TLN2: variants seen among roughly 807,000 people sequenced by gnomAD.
TLN2 encodes talin-2.
In TLN2, 118 loss-of-function variants were observed where a neutral mutation model predicts 294.7. The observed-to-expected ratio is 0.40, with a 90% CI of 0.34 to 0.47. The LOEUF (loss-of-function observed/expected upper bound fraction) is 0.47. Ranked by LOEUF, TLN2 falls within the 20% of genes least tolerant of loss-of-function variation. TLN2 has a pLI of 0.84. For synonymous variants in TLN2, 1,431 were observed against 1,304.5 expected (o/e 1.10, Z -2.09); for missense variants, 3,083 against 3,282.2 (o/e 0.94, Z 1.48).
chr15:62,772,080 A>G (rs993608916), intron 42 of TLN2, among the ~76,000 whole-genome samples: 46 of 151,860 alleles, frequency 3.0e-4, no homozygotes, highest in Non-Finnish European at 2.2e-4. Context: ...AGCACATGCC[A>G]CCATATCTGG....
At chr15:62,677,806 C>CTTTTTTTTTTTTTTTT (rs3055781) in intron 11 of TLN2, among the ~76,000 whole-genome samples, 7,765 of 75,078 alleles carry the variant, frequency 0.1, 2,384 homozygotes, top group Non-Finnish European at 0.11. Flanking sequence ...GCACTTGCAA[C>CTTTTTTTTTTTTTTTT]TTTTTTTTTT....
At chr15:62,499,964 G>A (rs1253324223) in intron 1 of TLN2, among the ~76,000 whole-genome samples, 1 of 151,824 alleles carries the variant, frequency 6.6e-6, no homozygotes, top group Non-Finnish European at 1.5e-5. Flanking sequence ...AAAAAAAACA[G>A]TCAAAATTAC....
At chr15:62,551,283 G>A (rs2042285430) in intron 1 of TLN2, among the ~76,000 whole-genome samples, 1 of 152,096 alleles carries the variant, frequency 6.6e-6, no homozygotes, top group Non-Finnish European at 1.5e-5. Flanking sequence ...GGCACAGACT[G>A]GTACCAGTCC....
rs2053116013 is a variant in TLN2 at position 62,655,581 on chromosome 15, T to TATA, written c.518-363_518-362insATA. On this transcript the variant is annotated intron_variant, in intron 7 of 58. Coordinates refer to ENST00000636159, the MANE Select transcript of TLN2 (RefSeq NM_015059.3). ...GAGAGGCAGCATATTATACATTCATTGTAGCACATGTCACCGTGGGTTGGC... is the reference window on the plus strand; with the variant it reads ...GAGAGGCAGCATATTATACATTCATTATAGTAGCACATGTCACCGTGGGTTGGC... 1.7e-4 allele frequency among the ~76,000 whole-genome samples: 2 copies of TATA among 11,724 alleles called. 1 individual carries two copies. Among genetic ancestry groups the TATA allele is most frequent in the Non-Finnish European group, 9.0e-3 (2 of 222 alleles). 7.7% of individuals were successfully genotyped at this position (11,724 alleles called of 152,430 possible). A position where few individuals can be genotyped will look rare whatever the true frequency, so the allele number is the denominator to read the frequency against.
At chr15:62,753,006 C>T (rs886473249) in intron 35 of TLN2, among the ~76,000 whole-genome samples, 12 of 152,168 alleles carry the variant, frequency 7.9e-5, no homozygotes, top group African/African-American at 2.9e-4. Context: ...CACAGAGAAA[C>T]ATCACTAGTT....
chr15:62,635,354 TA>T (rs1175877333), intron 3 of TLN2, among the ~76,000 whole-genome samples: 2 of 152,176 alleles, frequency 1.3e-5, no homozygotes, highest in African/African-American at 4.8e-5. Flanking sequence ...AAATAGCTGA[TA>T]TACCCAAAAA....
intron 1 of TLN2, among the ~76,000 whole-genome samples, chr15:62,523,533 A>G (rs1044166294): frequency 7.9e-5 from 12 of 152,266 alleles, no homozygotes; most frequent in Admixed American, 1.3e-4. Context: ...TGTGCTTTAT[A>G]TAAGGATATA....
chr15:62,718,885 G>C (rs1353784387), intron 24 of TLN2, among the ~76,000 whole-genome samples: 2 of 152,228 alleles, frequency 1.3e-5, no homozygotes, highest in African/African-American at 4.8e-5. Flanking sequence ...TGAAAGGATT[G>C]AGATGGAGAG....
intron 1 of TLN2, among the ~76,000 whole-genome samples, chr15:62,504,744 G>T (rs1354596875): frequency 6.6e-6 from 1 of 152,072 alleles, no homozygotes; most frequent in Non-Finnish European, 1.5e-5. Context: ...ATTGTTGTCA[G>T]TGCAAGGGAG....
chr15:62,656,556 G>A lies in TLN2; in HGVS notation c.660+470G>A, dbSNP rs182217498. Among the ~76,000 whole-genome samples, 9 of 152,202 alleles carry A rather than the reference G, an allele frequency of 5.9e-5. No individual in the cohort carries two copies. In the East Asian group the frequency reaches 1.2e-3, roughly 20 times the overall value. ...AAGTCATTTAACATATCTGAGTTGC[G>A]GTTTCCCAGTATGTAAGATGTGGAT... On this transcript the variant is annotated intron_variant, in intron 8 of 58. Coordinates refer to ENST00000636159, the MANE Select transcript of TLN2 (RefSeq NM_015059.3).
chr15:62,545,778 G>T (rs2041963460), intron 1 of TLN2, among the ~76,000 whole-genome samples: 1 of 152,166 alleles, frequency 6.6e-6, no homozygotes, highest in Non-Finnish European at 1.5e-5. Context: ...AGGTGTAGTG[G>T]CAGGGCCTTA....
At chr15:62,722,951 GT>G (rs778951049) in intron 26 of TLN2, among the ~76,000 whole-genome samples, 5 of 152,178 alleles carry the variant, frequency 3.3e-5, no homozygotes, top group Non-Finnish European at 7.3e-5. Flanking sequence ...GCCCTGCAAA[GT>G]TTTCACTTAT....
intron 1 of TLN2, among the ~76,000 whole-genome samples, chr15:62,578,894 A>C (rs537022743): frequency 9.4e-4 from 143 of 152,274 alleles, no homozygotes; most frequent in African/African-American, 3.0e-3. Context: ...GGGTGCTTGA[A>C]TATTCCTTCT....
intron 3 of TLN2, among the ~76,000 whole-genome samples, chr15:62,639,251 CTATAT>C (rs2050723877): frequency 1.3e-5 from 2 of 151,830 alleles, no homozygotes; most frequent in Non-Finnish European, 1.5e-5. Context: ...ATATCTATAT[CTATAT>C]CTATGTGTAT....
At chr15:62,776,609 C>T (rs775300730) in intron 42 of TLN2, among the ~76,000 whole-genome samples, 155 bp from the exon 43 acceptor site, 1 of 152,084 alleles carries the variant, frequency 6.6e-6, no homozygotes, top group Non-Finnish European at 1.5e-5. Flanking sequence ...ACTTTGCAAA[C>T]AAATGGCCAA....
At chr15:62,667,488 G>C (rs770808202) in intron 9 of TLN2, among the ~76,000 whole-genome samples, 2 of 152,114 alleles carry the variant, frequency 1.3e-5, no homozygotes, top group Non-Finnish European at 2.9e-5. Context: ...CCTGTGCTGA[G>C]TGGATACTCT....
Position 62,800,350 on chromosome 15 carries a change from T to G in TLN2, c.6235-18T>G, listed in dbSNP as rs774601880. ...ACATCTTGACGCCTGCTCACCTGAG[T>G]TCTGTGCTCTCTTTCAGGTGGTTTT... On this transcript the variant is annotated intron_variant, in intron 48 of 58. Coordinates refer to ENST00000636159, the MANE Select transcript of TLN2 (RefSeq NM_015059.3). 3 of 1,612,082 alleles carry G rather than the reference T, an allele frequency of 1.9e-6. No individual in the cohort carries two copies. The highest frequency in any genetic ancestry group is 1.7e-5 in the Admixed American group (1 of 59,844).
chr15:62,750,358 C>G (rs540290604), intron 33 of TLN2, 44 bp from the exon 34 acceptor site: 5 of 1,539,588 alleles, frequency 3.2e-6, no homozygotes, highest in Middle Eastern at 1.7e-4. Context: ...TTCTTTTGCT[C>G]TATGACATTT....
chr15:62,724,018 C>A (rs918586199), intron 26 of TLN2, among the ~76,000 whole-genome samples: 5 of 152,062 alleles, frequency 3.3e-5, no homozygotes, highest in African/African-American at 1.2e-4. Context: ...GTTGGTGGTG[C>A]ATGCCTGTAG....
Sources: gnomAD v4.1 joint callset for allele counts (sites outside exome capture counted in the v4.1 genomes callset) on GRCh38, gnomAD v4.1.1 for gene constraint, MANE v1.5 for transcripts, NCBI Gene and HGNC (gene_info 2026-07-23, HGNC 2026-07-21) for gene names.